NR3C1: variants seen among roughly 807,000 people sequenced by gnomAD.
NR3C1 encodes the protein nuclear receptor subfamily 3 group C member 1.
Under a neutral mutation model 74.0 loss-of-function variants are expected in NR3C1, and 14 were observed. That is an observed-to-expected ratio of 0.19 (90% CI 0.12 to 0.30). The LOEUF (loss-of-function observed/expected upper bound fraction) is 0.30. NR3C1 is among the 10% of genes least tolerant of loss of function. The pLI is 1.00. For synonymous variants in NR3C1, 308 were observed against 332.5 expected, an observed-to-expected ratio of 0.93 and a Z score of 0.80; for missense variants, 695 against 909.8, an observed-to-expected ratio of 0.76 and a Z score of 3.04.
At chr5:143,434,175 G>C (rs1277881421) in intron 1 of NR3C1, among the ~76,000 whole-genome samples, 1 of 152,116 alleles carries the variant, frequency 6.6e-6, no homozygotes, top group African/African-American at 2.4e-5. Context: ...TCTCCTTATA[G>C]CACTTTTTAC....
At chr5:143,294,788 G>A (rs538954616) in intron 7 of NR3C1, 30 of 344,230 alleles carry the variant, frequency 8.7e-5, no homozygotes, top group South Asian at 7.0e-4. Flanking sequence ...TGCATTTAAC[G>A]TCCCTCCATG....
chr5:143,415,286 T>A (rs1841438771), intron 1 of NR3C1, among the ~76,000 whole-genome samples: 1 of 152,040 alleles, frequency 6.6e-6, no homozygotes, highest in African/African-American at 2.4e-5. Context: ...ATTATTCCCC[T>A]CTTTAAAAAC....
intron 4 of NR3C1, among the ~76,000 whole-genome samples, chr5:143,307,368 AAGG>A (rs1269570594): frequency 6.6e-6 from 1 of 152,198 alleles, no homozygotes; most frequent in East Asian, 1.9e-4. Context: ...AAACTGTAAG[AAGG>A]AGGAAAAAAT....
chr5:143,329,473 T>TA (rs1295394168), intron 2 of NR3C1, among the ~76,000 whole-genome samples: 1 of 152,180 alleles, frequency 6.6e-6, no homozygotes, highest in Admixed American at 6.5e-5. Context: ...TCAGAAATGT[T>TA]AGAGAATTGG....
At chr5:143,373,217 T>C (rs932039654) in intron 2 of NR3C1, among the ~76,000 whole-genome samples, 6 of 152,144 alleles carry the variant, frequency 3.9e-5, no homozygotes, top group African/African-American at 1.4e-4. Flanking sequence ...CTAGGTATAA[T>C]TCCCTTGGGG....
At chr5:143,410,506 C>T (rs1356509986) in intron 1 of NR3C1, among the ~76,000 whole-genome samples, 1 of 152,132 alleles carries the variant, frequency 6.6e-6, no homozygotes, top group Non-Finnish European at 1.5e-5. Flanking sequence ...ATTAAATTTT[C>T]TCTATCCTCT....
chr5:143,387,735 AC>A (rs1837505987), intron 2 of NR3C1, among the ~76,000 whole-genome samples: 1 of 152,218 alleles, frequency 6.6e-6, no homozygotes, highest in Non-Finnish European at 1.5e-5. Flanking sequence ...GAAGAGATGA[AC>A]TTATCCTACC....
chr5:143,306,271 A>G (rs1473033286), intron 4 of NR3C1, among the ~76,000 whole-genome samples: 3 of 152,176 alleles, frequency 2.0e-5, no homozygotes, highest in Non-Finnish European at 4.4e-5. Context: ...TTATGGAGAG[A>G]CTTGGGCAAA....
intron 1 of NR3C1, 123 bp from the exon 2 acceptor site, chr5:143,400,975 T>G: frequency 1.3e-6 from 1 of 777,148 alleles, no homozygotes; most frequent in South Asian, 1.5e-5. Context: ...CCGAATCAAA[T>G]TCTTTGTTAC....
upstream of NR3C1, chr5:143,404,370 AC>A: frequency 1.0e-6 from 1 of 984,498 alleles, no homozygotes; most frequent in Non-Finnish European, 1.2e-6. Flanking sequence ...GTCGGCGCAT[AC>A]GTACTTTGGG....
chr5:143,402,365 A>G (rs1186819082), intron 1 of NR3C1, among the ~76,000 whole-genome samples: 1 of 152,206 alleles, frequency 6.6e-6, no homozygotes, highest in African/African-American at 2.4e-5. Flanking sequence ...ACCATGCCAG[A>G]GGGTCTTAAG....
intron 3 of NR3C1, among the ~76,000 whole-genome samples, chr5:143,311,793 T>TA: frequency 6.7e-6 from 1 of 150,362 alleles, no homozygotes; most frequent in South Asian, 2.2e-4. Flanking sequence ...ATAACGTTTT[T>TA]TTTTTTTTTT....
chr5:143,295,598 A>G lies in NR3C1; in HGVS notation c.1893-8T>C. The G allele has an allele frequency of 6.2e-7, 1 of 1,608,540 alleles. No individual in the cohort carries two copies. Among genetic ancestry groups the G allele is most frequent in the South Asian group, 1.1e-5 (1 of 90,980 alleles). ...GGTAGAGTCATTCTCTGCCTGTGAA[A>G]GATAAATAGCAGGGTATTAGTTAGA... On this transcript the variant is annotated splice_region_variant and splice_polypyrimidine_tract_variant and intron_variant, in intron 6 of 8. Coordinates refer to ENST00000394464, the MANE Select transcript of NR3C1 (RefSeq NM_000176.3).
intron 1 of NR3C1, among the ~76,000 whole-genome samples, chr5:143,411,136 T>C (rs1421114233): frequency 6.6e-6 from 1 of 152,232 alleles, no homozygotes; most frequent in Non-Finnish European, 1.5e-5. Flanking sequence ...TGATGCAGCG[T>C]ATCCCTTCCT....
rs761830592 is a variant in NR3C1 at position 143,313,960 on chromosome 5, A to G, written c.1351+42T>C. The G allele has an allele frequency of 3.7e-6, 6 of 1,607,330 alleles. No individual in the cohort carries two copies. The South Asian group carries it at 6.6e-5, about 18-fold the overall frequency. On this transcript the variant is annotated intron_variant, in intron 3 of 8. Coordinates refer to ENST00000394464, the MANE Select transcript of NR3C1 (RefSeq NM_000176.3). ...TTCAAAATCCACCCTGAGAAATGAAAACCAAGTAGAGGAAAAATAAACTCT... is the reference window on the plus strand; with the variant it reads ...TTCAAAATCCACCCTGAGAAATGAAGACCAAGTAGAGGAAAAATAAACTCT...
chr5:143,320,240 C>T (rs1308994719), intron 2 of NR3C1, among the ~76,000 whole-genome samples: 1 of 152,170 alleles, frequency 6.6e-6, no homozygotes, highest in African/African-American at 2.4e-5. Flanking sequence ...CACAATATTT[C>T]TGTTAAATGG....
intron 1 of NR3C1, among the ~76,000 whole-genome samples, chr5:143,431,685 A>G (rs1198006427): frequency 6.6e-6 from 1 of 152,152 alleles, no homozygotes; most frequent in Non-Finnish European, 1.5e-5. Context: ...AAATAGAAAA[A>G]GAAAAGTTGG....
intron 2 of NR3C1, among the ~76,000 whole-genome samples, chr5:143,385,595 T>C (rs1837048285): frequency 6.6e-6 from 1 of 152,214 alleles, no homozygotes; most frequent in Admixed American, 6.5e-5. Flanking sequence ...TCTCTCAAGT[T>C]CAAAGATCCA....
intron 4 of NR3C1, among the ~76,000 whole-genome samples, chr5:143,303,162 C>T (rs1818844692): frequency 2.3e-5 from 3 of 131,318 alleles, no homozygotes; most frequent in Admixed American, 9.6e-5. Flanking sequence ...CCTCTATGCA[C>T]ACAAAGTAGA....
Sources: gnomAD v4.1 joint callset for allele counts (sites outside exome capture counted in the v4.1 genomes callset) on GRCh38, gnomAD v4.1.1 for gene constraint, MANE v1.5 for transcripts, NCBI Gene and HGNC (gene_info 2026-07-23, HGNC 2026-07-21) for gene names.